IHO1: variants seen among roughly 807,000 people sequenced by gnomAD.
IHO1 encodes the protein interactor of HORMAD1 protein 1.
Under a neutral mutation model 31.0 loss-of-function variants are expected in IHO1, and 13 were observed. The observed-to-expected ratio is 0.42, with a 90% CI of 0.27 to 0.67. The LOEUF (loss-of-function observed/expected upper bound fraction) is 0.67, where lower values mean the gene tolerates loss of function less well. Among genes scored for constraint, IHO1 ranks in the 30% least tolerant of loss-of-function variants. The pLI is 0.24. For missense variants in IHO1, 599 were observed against 687.5 expected (o/e 0.87, Z 1.44); for synonymous variants, 221 against 248.4 (o/e 0.89, Z 1.04).
chr3:49,228,204 G>GC (rs1324856897), intron 2 of IHO1: 5 of 356,250 alleles, frequency 1.4e-5, no homozygotes, highest in Non-Finnish European at 2.8e-5. Flanking sequence ...ACTCACAGCC[G>GC]CAGGGTCAAC....
chr3:49,247,190 G>A (rs1409830068), intron 6 of IHO1, among the ~76,000 whole-genome samples: 6 of 151,612 alleles, frequency 4.0e-5, no homozygotes, highest in Admixed American at 2.6e-4. Context: ...AAGAGAGGCC[G>A]GGCGTGGTGG....
chr3:49,239,446 T>A (rs2046601295), intron 3 of IHO1, among the ~76,000 whole-genome samples: 1 of 150,830 alleles, frequency 6.6e-6, no homozygotes, highest in African/African-American at 2.4e-5. Flanking sequence ...CACGCCCAGC[T>A]AATTTTTGTA....
intron 6 of IHO1, among the ~76,000 whole-genome samples, chr3:49,248,499 T>C (rs376497761): frequency 1.3e-5 from 2 of 151,648 alleles, no homozygotes; most frequent in South Asian, 2.1e-4. Context: ...GAGGCCGAGG[T>C]GGGTGGATCA....
chr3:49,247,396 A>G (rs554029971), intron 6 of IHO1, among the ~76,000 whole-genome samples: 53 of 148,268 alleles, frequency 3.6e-4, no homozygotes, highest in South Asian at 8.7e-4. Flanking sequence ...ACACCTGGCT[A>G]TTTTTTTGTA....
At chr3:49,207,557 G>A (rs762627763) in intron 1 of IHO1, among the ~76,000 whole-genome samples, 22 of 151,898 alleles carry the variant, frequency 1.4e-4, no homozygotes, top group Non-Finnish European at 3.1e-4. Flanking sequence ...TGTAACTCAT[G>A]CTGCATATTT....
intron 6 of IHO1, among the ~76,000 whole-genome samples, chr3:49,246,839 GCTTTTCTTTTTTT>G (rs1269602020): frequency 4.6e-5 from 7 of 151,588 alleles, no homozygotes; most frequent in East Asian, 1.9e-4. Flanking sequence ...ATTTTCTTTT[GCTTTTCTTTTTTT>G]CTTTTCTTTT....
At position 49,244,455 on chromosome 3, in the gene IHO1, A is replaced by G. The variant is rs781067787; in HGVS notation, c.444+3A>G. 5.2e-6 allele frequency: 8 copies of G among 1,546,132 alleles called. No homozygotes were observed. The Admixed American group carries it at 9.6e-5, about 19-fold the overall frequency. Reference sequence around the variant, plus strand: ...ATGTTAGAGAAAGCATTCTCAGGGTAAGTACAGATACTTTTCAAGGAGTTA... The same window carrying G: ...ATGTTAGAGAAAGCATTCTCAGGGTGAGTACAGATACTTTTCAAGGAGTTA... On this transcript the variant is annotated splice_donor_region_variant and intron_variant, in intron 5 of 7. Coordinates refer to ENST00000452691, the MANE Select transcript of IHO1 (RefSeq NM_001135197.2).
chr3:49,233,126 C>G (rs749576262), intron 2 of IHO1, among the ~76,000 whole-genome samples: 2 of 152,166 alleles, frequency 1.3e-5, no homozygotes, highest in Non-Finnish European at 2.9e-5. Flanking sequence ...AGGGACCAAG[C>G]TTGAATTGCA....
intron 6 of IHO1, among the ~76,000 whole-genome samples, chr3:49,248,072 C>T (rs1271370849): frequency 1.3e-4 from 20 of 149,514 alleles, no homozygotes; most frequent in African/African-American, 4.4e-4. Flanking sequence ...TTGTAGTGAG[C>T]CGAGATGGCG....
intron 2 of IHO1, among the ~76,000 whole-genome samples, chr3:49,213,738 C>G (rs1474792659): frequency 3.9e-5 from 6 of 152,242 alleles, no homozygotes; most frequent in Admixed American, 3.9e-4. Flanking sequence ...GCTCTGAGTG[C>G]AGGGCCTGCC....
chr3:49,241,363 GA>G lies in IHO1; in HGVS notation c.373del (p.Arg125GlyfsTer82), dbSNP rs1363510817. 5 of 1,610,678 alleles carry G rather than the reference GA, an allele frequency of 3.1e-6. No individual in the cohort carries two copies. In the East Asian group the frequency reaches 1.1e-4, roughly 36 times the overall value. On this transcript the variant is annotated frameshift_variant, in exon 4 of 8. Transcript: ENST00000452691. LOFTEE classifies it high-confidence loss of function. ...TCTTGGAACAGTTTGAGGAGAAAAA[GA>G]AAAGGGCAAAAGACAAATGTGACAG... ...GLLEQFEEKK[K>X]RAKDKCDSET...
upstream of IHO1, among the ~76,000 whole-genome samples, chr3:49,194,268 CA>C (rs200253878): frequency 0.63 from 73,445 of 117,386 alleles, 22,634 homozygotes; most frequent in East Asian, 0.95. Context: ...AACTCTATCT[CA>C]AAAAAAAAAA....
chr3:49,256,617 G>A lies in IHO1; in HGVS notation c.1120G>A (p.Val374Ile), dbSNP rs368444069. Residue 374 changes from valine to isoleucine, a missense_variant, in exon 8 of 8, where the codon GTC becomes ATC. Transcript: ENST00000452691. This position sits in a 1 kb window ranked among gnomAD's most constrained non-coding sequence, Gnocchi z 4.6. Reference sequence around the variant, plus strand: ...AGGTGCCAAGAACCATGGTTCCAGCGTCCCAGGCCATAAGATTCCCAGTGA... The same window carrying A: ...AGGTGCCAAGAACCATGGTTCCAGCATCCCAGGCCATAAGATTCCCAGTGA... ...KTGAKNHGSS[V>I]PGHKIPSDRD... 4.8e-5 allele frequency: 77 copies of A among 1,614,072 alleles called. No homozygotes were observed. The highest frequency in any genetic ancestry group is 1.1e-4 in the African/African-American group (8 of 74,912).
chr3:49,239,849 CG>C (rs2046608700), intron 3 of IHO1, among the ~76,000 whole-genome samples: 1 of 151,324 alleles, frequency 6.6e-6, no homozygotes, highest in Admixed American at 6.6e-5. Flanking sequence ...TTAGTAGAGA[CG>C]GGGTTTCTCC....
rs1226965669 is a variant in IHO1, at chr3:49,199,522, C to T, written c.-67C>T. On this transcript the variant is annotated 5_prime_UTR_variant, in exon 1 of 8. Coordinates refer to ENST00000452691, the MANE Select transcript of IHO1 (RefSeq NM_001135197.2). ...TGCAGAGGCAGCGGGACGCGGCCAC[C>T]TCGAAGCCACGTCAGGGCAGCCCCA... is the stretch of plus-strand genomic sequence containing the variant. 1.3e-5 allele frequency: 2 copies of T among 151,924 alleles called. No homozygotes were observed. The highest frequency in any genetic ancestry group is 1.9e-4 in the East Asian group (1 of 5,134). The allele number at this position is 151,924 out of a possible 1,614,324, so 9.4% of individuals were successfully genotyped here.
intron 6 of IHO1, among the ~76,000 whole-genome samples, chr3:49,247,701 A>G (rs1466704771): frequency 1.3e-5 from 2 of 151,940 alleles, no homozygotes; most frequent in African/African-American, 4.8e-5. Flanking sequence ...AGGTGGGAGG[A>G]TCGCTTGAGT....
intron 6 of IHO1, among the ~76,000 whole-genome samples, chr3:49,246,395 A>C (rs571390876): frequency 6.6e-6 from 1 of 152,206 alleles, no homozygotes; most frequent in South Asian, 2.1e-4. Flanking sequence ...CTATAATCCC[A>C]GCACTTTGGG....
the IHO1 span, chr3:49,191,603 TGG>T: frequency 1.1e-6 from 1 of 883,924 alleles, no homozygotes; most frequent in East Asian, 2.4e-5. Flanking sequence ...CTCAAGATGG[TGG>T]AGAGGAAGTG....
At chr3:49,199,844 C>T (rs1212239841) in intron 1 of IHO1, 4 of 152,296 alleles carry the variant, frequency 2.6e-5, no homozygotes, top group Non-Finnish European at 5.9e-5. Flanking sequence ...CCCAGATCCC[C>T]GCCTGGAGTT....
Sources: allele counts gnomAD v4.1 joint callset (sites outside exome capture counted in the v4.1 genomes callset), GRCh38; gene constraint gnomAD v4.1.1; non-coding constraint Gnocchi (gnomAD v3.1); transcripts MANE v1.5; gene names NCBI Gene and HGNC (gene_info 2026-07-23, HGNC 2026-07-21).